C14orf93: variants seen among roughly 807,000 people sequenced by gnomAD.
C14orf93 encodes uncharacterized protein C14orf93.
A neutral mutation model predicts 44.0 loss-of-function variants in C14orf93; 23 were observed. The observed-to-expected ratio is 0.52, with a 90% confidence interval of 0.38 to 0.74. The LOEUF (loss-of-function observed/expected upper bound fraction) is 0.74, where lower values mean the gene tolerates loss of function less well. Among genes scored for constraint, C14orf93 ranks in the 30% least tolerant of loss-of-function variants. The pLI is 0.00. For missense variants in C14orf93, 579 were observed against 678.9 expected, an observed-to-expected ratio of 0.85 and a Z score of 1.64; for synonymous variants, 253 against 265.7, an observed-to-expected ratio of 0.95 and a Z score of 0.46.
intron 1 of C14orf93, among the ~76,000 whole-genome samples, chr14:23,002,296 C>CA (rs370512201): frequency 2.0e-5 from 3 of 151,006 alleles, no homozygotes; most frequent in Admixed American, 1.3e-4. Context: ...ACTAAAAATA[C>CA]AAAAAAATTG....
chr14:22,998,374 TGAAAAGCCAG>T, intron 2 of C14orf93, 43 bp downstream of exon 2: 1 of 1,437,134 alleles, frequency 7.0e-7, no homozygotes, highest in Non-Finnish European at 9.2e-7. Context: ...GGAAAAAGAG[TGAAAAGCCAG>T]GAAAAGCACC....
chr14:23,001,647 TAG>T (rs2046301460), intron 1 of C14orf93, among the ~76,000 whole-genome samples: 1 of 151,660 alleles, frequency 6.6e-6, no homozygotes, highest in Non-Finnish European at 1.5e-5. Flanking sequence ...ATATTTTTAG[TAG>T]AGACAGGGTT....
Position 22,998,892 on chromosome 14 carries a change from G to A in C14orf93, c.132C>T (p.Thr44=). The A allele has an allele frequency of 6.2e-7, 1 of 1,613,808 alleles. No individual in the cohort carries two copies. Among genetic ancestry groups the A allele is most frequent in the Admixed American group, 1.7e-5 (1 of 59,964 alleles). The change falls in exon 2 of 7, where the codon ACC becomes ACT. Residue 44 remains threonine, a synonymous_variant. Transcript: ENST00000299088. Reference sequence around the variant, plus strand: ...AGCCATGTCCAGTCACTGTGATGGGGGTGCTGGGAGGAGGATTCCCACCCT... The same window carrying A: ...AGCCATGTCCAGTCACTGTGATGGGAGTGCTGGGAGGAGGATTCCCACCCT... The part of the protein sequence containing the change: ...GSQGGNPPPS[T]PITVTGHGLA...
Position 22,998,894 on chromosome 14 carries a change from T to C in C14orf93, c.130A>G (p.Thr44Ala). 2.5e-6 allele frequency: 4 copies of C among 1,613,890 alleles called. No individual in the cohort carries two copies. The highest frequency in any genetic ancestry group is 3.4e-6 in the Non-Finnish European group (4 of 1,179,984). The change falls in exon 2 of 7, where the codon ACC becomes GCC. Residue 44 changes from threonine to alanine, a missense_variant. Thr to Ala is a moderately conservative substitution (Grantham distance 58). Coordinates refer to ENST00000299088, the MANE Select transcript of C14orf93 (RefSeq NM_021944.4). ...CCATGTCCAGTCACTGTGATGGGGG[T>C]GCTGGGAGGAGGATTCCCACCCTGG... ...GSQGGNPPPS[T>A]PITVTGHGLA... is the part of the protein sequence containing the mutation.
At chr14:23,004,228 T>C (rs2046513124) in intron 1 of C14orf93, among the ~76,000 whole-genome samples, 1 of 147,462 alleles carries the variant, frequency 6.8e-6, no homozygotes, top group Non-Finnish European at 1.5e-5. Context: ...TATATATATT[T>C]GATACAGAGT....
intron 1 of C14orf93, among the ~76,000 whole-genome samples, chr14:23,001,985 A>G (rs1350232665): frequency 6.6e-6 from 1 of 151,676 alleles, no homozygotes; most frequent in Non-Finnish European, 1.5e-5. Flanking sequence ...CGTCTCTACT[A>G]AAAATACAAA....
At chr14:22,990,944 G>C (rs1272567325) in intron 3 of C14orf93, among the ~76,000 whole-genome samples, 1 of 149,552 alleles carries the variant, frequency 6.7e-6, no homozygotes, top group Non-Finnish European at 1.5e-5. Flanking sequence ...TCAGCTTCCT[G>C]AGTAGCTGGG....
rs902043415 is a variant in C14orf93 at position 22,996,499 on chromosome 14, G to A, written c.598-231C>T. On this transcript the variant is annotated intron_variant, in intron 2 of 6. Coordinates refer to ENST00000299088, the MANE Select transcript of C14orf93 (RefSeq NM_021944.4). This position sits in a 1 kb window ranked among gnomAD's most constrained non-coding sequence, Gnocchi z 4.1. ...GTTGTTACCATAGGGCTGCTCACAA[G>A]GAGAAAGCATGTTTCTGACACTGTT... Among the ~76,000 whole-genome samples the A allele has an allele frequency of 2.0e-5, 3 of 152,180 alleles. No homozygotes were observed. Among genetic ancestry groups the A allele is most frequent in the Non-Finnish European group, 4.4e-5 (3 of 68,032 alleles).
At chr14:23,009,829 G>A (rs1262309799) in intron 1 of C14orf93, among the ~76,000 whole-genome samples, 1 of 151,780 alleles carries the variant, frequency 6.6e-6, no homozygotes, top group Non-Finnish European at 1.5e-5. Context: ...AAATCTACCA[G>A]TTCTTAAAAT....
At position 23,003,887 on chromosome 14, in the gene C14orf93, TATATA is replaced by T. The variant is rs1256502388; in HGVS notation, c.-379-4490_-379-4486del. 2.9e-3 allele frequency among the ~76,000 whole-genome samples: 51 copies of T among 17,482 alleles called. 1 individual carries two copies. The highest frequency in any genetic ancestry group is 0.011 in the East Asian group (6 of 550). 11.5% of individuals were successfully genotyped at this position (17,482 alleles called of 152,430 possible). On this transcript the variant is annotated intron_variant, in intron 1 of 6. Coordinates refer to ENST00000299088, the MANE Select transcript of C14orf93 (RefSeq NM_021944.4). ...ATATATATATATATATATATATATA[TATATA>T]TATATATTTTTTTTTTTTTTTTTTT...
At chr14:22,989,592 A>G (rs953762572) in intron 5 of C14orf93, 150 bp downstream of exon 5, 1 of 608,226 alleles carries the variant, frequency 1.6e-6, no homozygotes, top group South Asian at 2.0e-5. Context: ...GAATATATTG[A>G]AGGTGAGAAT....
intron 1 of C14orf93, chr14:23,005,157 A>G (rs2046563961): frequency 6.6e-6 from 1 of 152,172 alleles, no homozygotes; most frequent in African/African-American, 2.4e-5. Context: ...AAATTACAGG[A>G]CTTAACAGGG....
chr14:22,995,415 C>T (rs1173232399), intron 3 of C14orf93, among the ~76,000 whole-genome samples: 1 of 152,212 alleles, frequency 6.6e-6, no homozygotes, highest in Non-Finnish European at 1.5e-5. Flanking sequence ...CATGGTGGCT[C>T]ACGCCTGTAA....
chr14:23,000,975 A>T (rs1160256353), intron 1 of C14orf93: 2 of 152,220 alleles, frequency 1.3e-5, no homozygotes. Flanking sequence ...CAAAAGCTTA[A>T]CTCAAATACA....
In C14orf93 at chr14:22,996,203, C is replaced by T. The variant is rs1274826885; in HGVS notation, c.663G>A (p.Lys221=). The T allele has an allele frequency of 6.2e-7, 1 of 1,611,644 alleles. No homozygotes were observed. The change falls in exon 3 of 7, where the codon AAG becomes AAA. Residue 221 remains lysine, a synonymous_variant. Coordinates refer to ENST00000299088, the MANE Select transcript of C14orf93 (RefSeq NM_021944.4). This position sits in a 1 kb window ranked among gnomAD's most constrained non-coding sequence, Gnocchi z 4.1. ...CCAGTTGTGTGGCTGGTGAGAGTTGCTTGGCATAAGCAGGGACCAGAACTC... is the reference window on the plus strand; with the variant it reads ...CCAGTTGTGTGGCTGGTGAGAGTTGTTTGGCATAAGCAGGGACCAGAACTC... ...VQRVLVPAYA[K]QLSPATQLAI...
At chr14:22,998,256 GGAA>G in intron 2 of C14orf93, 168 bp downstream of exon 2, 1 of 1,012,880 alleles carries the variant, frequency 9.9e-7, no homozygotes, top group African/African-American at 1.7e-5. Flanking sequence ...TGATGGTTCA[GGAA>G]GAAAATAGAG....
intron 5 of C14orf93, among the ~76,000 whole-genome samples, chr14:22,988,816 C>T (rs1040405254): frequency 2.0e-5 from 3 of 152,134 alleles, no homozygotes; most frequent in Non-Finnish European, 2.9e-5. Flanking sequence ...CGTGGTGGCT[C>T]ACACCTGTAA....
At chr14:23,007,384 C>G (rs1185603332) in intron 1 of C14orf93, among the ~76,000 whole-genome samples, 1 of 152,238 alleles carries the variant, frequency 6.6e-6, no homozygotes, top group Non-Finnish European at 1.5e-5. Context: ...TTGTTCTCTG[C>G]TGCTCACAAA....
chr14:22,995,775 A>G (rs984755988), intron 3 of C14orf93, among the ~76,000 whole-genome samples, 173 bp downstream of exon 3: 1 of 151,864 alleles, frequency 6.6e-6, no homozygotes, highest in Admixed American at 6.6e-5. Context: ...GATGTTTAGC[A>G]GGGGACTTCC....
Sources: allele counts gnomAD v4.1 joint callset (sites outside exome capture counted in the v4.1 genomes callset), GRCh38; gene constraint gnomAD v4.1.1; non-coding constraint Gnocchi (gnomAD v3.1); transcripts MANE v1.5; gene names NCBI Gene and HGNC (gene_info 2026-07-23, HGNC 2026-07-21).